SEMA5A: variants seen among roughly 807,000 people sequenced by gnomAD.
The protein encoded by SEMA5A is semaphorin-5A.
In SEMA5A, 55 loss-of-function variants were observed where a neutral mutation model predicts 135.5. That is an observed-to-expected ratio of 0.41 (90% CI 0.33 to 0.51). The LOEUF is 0.51. Among genes scored for constraint, SEMA5A ranks in the 20% least tolerant of loss-of-function variants. The probability of loss-of-function intolerance (pLI) is 0.37; values close to 1 mark genes in which losing one functional copy is unlikely to be tolerated. For synonymous variants in SEMA5A, 580 were observed against 546.5 expected, an observed-to-expected ratio of 1.06 and a Z score of -0.85; for missense variants, 1,290 against 1,419.9, an observed-to-expected ratio of 0.91 and a Z score of 1.47.
At chr5:9,163,244 C>A (rs373878304) in intron 11 of SEMA5A, among the ~76,000 whole-genome samples, 7 of 150,672 alleles carry the variant, frequency 4.6e-5, no homozygotes, top group Middle Eastern at 3.4e-3. Context: ...TGAAAAAAAA[C>A]CTTCTATTGC....
chr5:9,197,219 T>G lies in SEMA5A; in HGVS notation c.1017A>C (p.Glu339Asp). 1 of 1,614,236 alleles carries G rather than the reference T, an allele frequency of 6.2e-7. No homozygotes were observed. The highest frequency in any genetic ancestry group is 2.2e-5 in the East Asian group (1 of 44,870). The change falls in exon 10 of 23, where the codon GAA (glutamate) becomes GAC (aspartate). Residue 339 changes from glutamate (E) to aspartate (D), a missense_variant. Physicochemically the swap from Glu to Asp is conservative, Grantham distance 45. This residue lies in a region of SEMA5A where 1,029 missense variants were observed against 1,086.6 expected (regional missense o/e 0.95). Coordinates refer to ENST00000382496, the MANE Select transcript of SEMA5A (RefSeq NM_003966.3). Reference sequence around the variant, plus strand: ...ACGGTAGCCAGGCCGAGCGCGAGTTTTCTTGGTACTTGAAGGGCCCAGAGA... The same window carrying G: ...ACGGTAGCCAGGCCGAGCGCGAGTTGTCTTGGTACTTGAAGGGCCCAGAGA... ...QAFSGPFKYQENSRSAWLPYP... is the reference protein window; with the variant it reads ...QAFSGPFKYQDNSRSAWLPYP...
At chr5:9,525,746 G>A (rs768626072) in intron 1 of SEMA5A, among the ~76,000 whole-genome samples, 7 of 152,136 alleles carry the variant, frequency 4.6e-5, no homozygotes, top group African/African-American at 7.2e-5. Context: ...CTTTGATAAG[G>A]TTTCAGAGAT....
At chr5:9,198,801 A>C (rs71611366) in intron 9 of SEMA5A, among the ~76,000 whole-genome samples, 6,474 of 152,294 alleles carry the variant, frequency 0.043, 197 homozygotes, top group Non-Finnish European at 0.064. Context: ...TAAGGACAAG[A>C]AAATAAGTGT....
At chr5:9,230,158 C>CTTTTTT (rs5865817) in intron 6 of SEMA5A, among the ~76,000 whole-genome samples, 26 of 98,280 alleles carry the variant, frequency 2.6e-4, no homozygotes, top group African/African-American at 4.2e-4. Context: ...CTATTTTTTT[C>CTTTTTT]TTTTTTTTTT....
chr5:9,324,242 G>A (rs1420605802), intron 4 of SEMA5A, among the ~76,000 whole-genome samples: 4 of 151,730 alleles, frequency 2.6e-5, no homozygotes, highest in Admixed American at 1.3e-4. Flanking sequence ...CTAATTTTTT[G>A]TATTTTTAGT....
At chr5:9,506,415 C>T (rs1436756174) in intron 1 of SEMA5A, among the ~76,000 whole-genome samples, 7 of 152,064 alleles carry the variant, frequency 4.6e-5, no homozygotes, top group African/African-American at 1.7e-4. Context: ...TATTAGAAAC[C>T]TTTCATTTTG....
rs575465568 is a variant in SEMA5A at position 9,197,784 on chromosome 5, G to T, written c.933-481C>A. Among the ~76,000 whole-genome samples the T allele has an allele frequency of 1.7e-3, 182 of 108,672 alleles. 1 individual carries two copies. Among genetic ancestry groups the T allele is most frequent in the Middle Eastern group, 0.013 (3 of 232 alleles). 71.3% of individuals were successfully genotyped at this position (108,672 alleles called of 152,430 possible). Reference sequence around the variant, plus strand: ...TGTGTGTGTGTGTGTGTGTGTGTGTGTTTTAACCCAGATATTTGTTTTATT... The same window carrying T: ...TGTGTGTGTGTGTGTGTGTGTGTGTTTTTTAACCCAGATATTTGTTTTATT... On this transcript the variant is annotated intron_variant, in intron 9 of 22. Coordinates refer to ENST00000382496, the MANE Select transcript of SEMA5A (RefSeq NM_003966.3).
At chr5:9,432,536 T>C (rs762373729) in intron 2 of SEMA5A, among the ~76,000 whole-genome samples, 1 of 152,194 alleles carries the variant, frequency 6.6e-6, no homozygotes, top group Non-Finnish European at 1.5e-5. Context: ...CTCACTTTCC[T>C]TATTTTATAG....
intron 2 of SEMA5A, among the ~76,000 whole-genome samples, chr5:9,396,349 A>G (rs1449627394): frequency 6.6e-6 from 1 of 151,994 alleles, no homozygotes; most frequent in Non-Finnish European, 1.5e-5. Flanking sequence ...ACATTCTCCA[A>G]AGGAATTCAT....
At chr5:9,288,995 G>A (rs1010214600) in intron 5 of SEMA5A, among the ~76,000 whole-genome samples, 8 of 152,184 alleles carry the variant, frequency 5.3e-5, no homozygotes, top group Non-Finnish European at 1.2e-4. Flanking sequence ...CTAGCGTAGT[G>A]ACATTGCCAT....
chr5:9,044,509 T>C lies in SEMA5A; in HGVS notation c.2969A>G (p.Tyr990Cys), dbSNP rs1332473815. The C allele has an allele frequency of 6.8e-6, 11 of 1,613,862 alleles. No homozygotes were observed. Among genetic ancestry groups the C allele is most frequent in the Non-Finnish European group, 9.3e-6 (11 of 1,180,030 alleles). The change falls in exon 22 of 23, where the codon TAT (tyrosine) becomes TGT (cysteine). Residue 990 changes from tyrosine (Y) to cysteine (C), a missense_variant. Physicochemically the swap from Tyr to Cys is radical, Grantham distance 194. Around this residue, in one of 3 missense-constraint regions of SEMA5A, gnomAD observed 1,029 missense variants for 1,086.6 expected, o/e 0.95. Coordinates refer to ENST00000382496, the MANE Select transcript of SEMA5A (RefSeq NM_003966.3). ...CTGCTGGTACCGCTGGCAGTAAGTA[T>C]AGACGAGCAGGGTGAGGAGGCAGCC... ...ILGCLLTLLV[Y>C]TYCQRYQQQS...
At chr5:9,401,949 T>A (rs1321269391) in intron 2 of SEMA5A, among the ~76,000 whole-genome samples, 1 of 152,174 alleles carries the variant, frequency 6.6e-6, no homozygotes, top group Non-Finnish European at 1.5e-5. Flanking sequence ...GCCCCGTGTA[T>A]GTGTTGCTAC....
chr5:9,367,763 G>A (rs147042971), intron 3 of SEMA5A, among the ~76,000 whole-genome samples: 4 of 152,292 alleles, frequency 2.6e-5, no homozygotes, highest in East Asian at 1.9e-4. Context: ...AATGTTGAGG[G>A]TGGGGCCTAG....
At chr5:9,477,832 GA>G (rs943281228) in intron 1 of SEMA5A, among the ~76,000 whole-genome samples, 8 of 152,026 alleles carry the variant, frequency 5.3e-5, no homozygotes, top group South Asian at 4.1e-4. Context: ...CAGTAGAAAA[GA>G]AAAAAACATT....
chr5:9,418,862 A>C (rs1362797244), intron 2 of SEMA5A, among the ~76,000 whole-genome samples: 2 of 152,202 alleles, frequency 1.3e-5, no homozygotes, highest in East Asian at 3.8e-4. Flanking sequence ...GTAAAGGACA[A>C]ATAAATCTCC....
chr5:9,523,392 A>G (rs1232129052), intron 1 of SEMA5A, among the ~76,000 whole-genome samples: 2 of 152,230 alleles, frequency 1.3e-5, no homozygotes. Context: ...AAAATGCAGG[A>G]ATTGTAAACA....
At chr5:9,521,786 G>T (rs576598413) in intron 1 of SEMA5A, among the ~76,000 whole-genome samples, 5 of 152,096 alleles carry the variant, frequency 3.3e-5, no homozygotes, top group African/African-American at 1.2e-4. Flanking sequence ...TAAAGCACGC[G>T]CTCCCTGCAG....
At position 9,209,777 on chromosome 5, in the gene SEMA5A, G is replaced by A. The variant is rs148999221; in HGVS notation, c.647-7537C>T. ...AACAAATGTCAGAGGCCCTTGACTG[G>A]GATAAATAAAAAGTTCAATAGAATA... On this transcript the variant is annotated intron_variant, in intron 8 of 22. Coordinates refer to ENST00000382496, the MANE Select transcript of SEMA5A (RefSeq NM_003966.3). Among the ~76,000 whole-genome samples, 330 of 152,122 alleles carry A rather than the reference G, an allele frequency of 2.2e-3. 2 individuals are homozygous for A. Among genetic ancestry groups the A allele is most frequent in the African/African-American group, 7.5e-3 (312 of 41,478 alleles).
intron 3 of SEMA5A, among the ~76,000 whole-genome samples, chr5:9,347,688 C>T (rs1018516574): frequency 6.6e-6 from 1 of 152,184 alleles, no homozygotes; most frequent in Non-Finnish European, 1.5e-5. Context: ...GAGCAGGGAC[C>T]TGCATGGAGA....
Sources: gnomAD v4.1 joint callset for allele counts (sites outside exome capture counted in the v4.1 genomes callset) on GRCh38, gnomAD v4.1.1 for gene constraint, gnomAD v4.1.1 regional missense constraint, MANE v1.5 for transcripts, NCBI Gene and HGNC (gene_info 2026-07-23, HGNC 2026-07-21) for gene names.